The following CAB39L variants were observed in gnomAD, a reference collection of about 807,000 sequenced individuals.
CAB39L encodes calcium-binding protein 39-like.
In CAB39L, 23 loss-of-function variants were observed where a neutral mutation model predicts 39.1. The ratio of observed to expected loss-of-function variants is 0.59; its 90% CI spans 0.42 to 0.83. The LOEUF (loss-of-function observed/expected upper bound fraction) is 0.83. CAB39L is among the 40% of genes least tolerant of loss of function. The probability of loss-of-function intolerance (pLI) is 0.00; values close to 1 mark genes in which losing one functional copy is unlikely to be tolerated. For missense variants in CAB39L, 366 were observed against 391.9 expected, an observed-to-expected ratio of 0.93 and a Z score of 0.56; for synonymous variants, 126 against 137.2, an observed-to-expected ratio of 0.92 and a Z score of 0.57.
At chr13:49,411,374 C>T (rs1956986338) in intron 3 of CAB39L, among the ~76,000 whole-genome samples, 1 of 147,232 alleles carries the variant, frequency 6.8e-6, no homozygotes, top group South Asian at 2.2e-4. Context: ...AACGTCACTG[C>T]ACTCCAGCCT....
intron 6 of CAB39L, among the ~76,000 whole-genome samples, chr13:49,353,081 T>G (rs969453048): frequency 6.6e-6 from 1 of 152,232 alleles, no homozygotes; most frequent in African/African-American, 2.4e-5. Context: ...TTATGCAGAA[T>G]GATATTCACA....
At chr13:49,370,468 G>A (rs1308935665) in intron 5 of CAB39L, among the ~76,000 whole-genome samples, 3 of 152,152 alleles carry the variant, frequency 2.0e-5, no homozygotes, top group South Asian at 2.1e-4. Context: ...AAACACTGGG[G>A]TTCTGTCTCA....
At chr13:49,350,702 T>C in intron 7 of CAB39L, 42 bp downstream of exon 7, 1 of 1,437,256 alleles carries the variant, frequency 7.0e-7, no homozygotes, top group East Asian at 2.4e-5. Context: ...AGGGGCCAAG[T>C]GACTATAAAT....
chr13:49,320,391 G>A (rs2138351347), intron 10 of CAB39L, among the ~76,000 whole-genome samples: 1 of 152,304 alleles, frequency 6.6e-6, no homozygotes, highest in South Asian at 2.1e-4. Context: ...CCTGAGAGAT[G>A]TGATCTGTGG....
intron 4 of CAB39L, among the ~76,000 whole-genome samples, chr13:49,378,005 GC>G (rs1207074913): frequency 2.6e-5 from 2 of 76,902 alleles, no homozygotes; most frequent in Non-Finnish European, 5.1e-5. Flanking sequence ...CTGCCCCGCC[GC>G]CCCATCTGGG....
At chr13:49,395,251 T>C (rs898096547) in intron 3 of CAB39L, among the ~76,000 whole-genome samples, 3 of 150,670 alleles carry the variant, frequency 2.0e-5, no homozygotes, top group Admixed American at 2.0e-4. Flanking sequence ...TTTTTTTTTT[T>C]CTGAGACGGA....
At chr13:49,388,316 C>A (rs9535222) in intron 3 of CAB39L, among the ~76,000 whole-genome samples, 82,912 of 151,972 alleles carry the variant, frequency 0.55, 24,005 homozygotes, top group African/African-American at 0.72. Context: ...ATCATTCGAA[C>A]GATTTTTCTA....
At chr13:49,340,376 A>G (rs893304198) in intron 8 of CAB39L, among the ~76,000 whole-genome samples, 2 of 152,220 alleles carry the variant, frequency 1.3e-5, no homozygotes, top group Non-Finnish European at 2.9e-5. Context: ...CACAGCTCAT[A>G]GAGCACTGAA....
intron 3 of CAB39L, among the ~76,000 whole-genome samples, chr13:49,411,229 T>C (rs1177620105): frequency 1.3e-5 from 2 of 151,800 alleles, no homozygotes; most frequent in Non-Finnish European, 2.9e-5. Context: ...GGCAACATAG[T>C]GAGACCTCGT....
rs567884236 is a variant in CAB39L at position 49,381,120 on chromosome 13, G to C, written c.111+1680C>G. 1.4e-4 allele frequency among the ~76,000 whole-genome samples: 22 copies of C among 152,230 alleles called. 1 individual carries two copies. In the South Asian group the frequency reaches 4.6e-3, roughly 32 times the overall value. Reference sequence around the variant, plus strand: ...TTTTTGTATTTTTAGTAGAGGCGGGGTTTCACCATGTTGGCCAGGCTGATC... The same window carrying C: ...TTTTTGTATTTTTAGTAGAGGCGGGCTTTCACCATGTTGGCCAGGCTGATC... On this transcript the variant is annotated intron_variant, in intron 4 of 10. Coordinates refer to ENST00000409308, the MANE Select transcript of CAB39L (RefSeq NM_001079670.3).
chr13:49,395,113 T>C (rs182358219), intron 3 of CAB39L, among the ~76,000 whole-genome samples: 116 of 152,320 alleles, frequency 7.6e-4, no homozygotes, highest in African/African-American at 2.7e-3. Flanking sequence ...GCTTGTATAA[T>C]AGATCATGCA....
chr13:49,355,911 CCT>C (rs768315900), intron 6 of CAB39L, among the ~76,000 whole-genome samples: 5 of 152,094 alleles, frequency 3.3e-5, no homozygotes, highest in Non-Finnish European at 5.9e-5. Flanking sequence ...ATTTATTCTG[CCT>C]CTCTGGTATG....
intron 3 of CAB39L, among the ~76,000 whole-genome samples, chr13:49,396,517 T>C (rs1425796892): frequency 6.6e-6 from 1 of 152,168 alleles, no homozygotes; most frequent in Non-Finnish European, 1.5e-5. Flanking sequence ...GAGACCAGCC[T>C]AGCCAACATG....
intron 9 of CAB39L, among the ~76,000 whole-genome samples, chr13:49,333,082 G>A (rs1954755769): frequency 2.0e-5 from 3 of 152,016 alleles, no homozygotes; most frequent in African/African-American, 7.2e-5. Context: ...CCACCACCTT[G>A]CCTGTGATGT....
chr13:49,443,895 G>A, intron 1 of CAB39L, 91 bp downstream of exon 1: 2 of 456,454 alleles, frequency 4.4e-6, no homozygotes, highest in East Asian at 6.9e-5. Context: ...GTTCTCTCCG[G>A]ACCCCTCCAC....
In CAB39L at chr13:49,408,925, C is replaced by T. The variant is rs1198100446; in HGVS notation, c.-32+24393G>A. Among the ~76,000 whole-genome samples, 4 of 152,048 alleles carry T rather than the reference C, an allele frequency of 2.6e-5. No homozygotes were observed. In the South Asian group the frequency reaches 8.3e-4, roughly 32 times the overall value. On this transcript the variant is annotated intron_variant, in intron 3 of 10. Transcript: ENST00000409308. ...TATCGTGTGACCAAAAAAACCCAGA[C>T]CTTCAAGAAAAAGAAGCATTTAAAA...
intron 10 of CAB39L, among the ~76,000 whole-genome samples, chr13:49,317,995 T>A (rs925621291): frequency 2.0e-5 from 3 of 152,002 alleles, no homozygotes; most frequent in African/African-American, 7.2e-5. Flanking sequence ...AAATGGCCAA[T>A]AAGCACATTT....
At chr13:49,443,459 G>A (rs992813353) in intron 1 of CAB39L, among the ~76,000 whole-genome samples, 1 of 152,232 alleles carries the variant, frequency 6.6e-6, no homozygotes, top group Admixed American at 6.5e-5. Flanking sequence ...CCCCCGCGAA[G>A]AGCAAACTGT....
At chr13:49,360,777 C>T (rs10467382) in intron 5 of CAB39L, among the ~76,000 whole-genome samples, 36,491 of 151,826 alleles carry the variant, frequency 0.24, 4,583 homozygotes, top group Middle Eastern at 0.3. Flanking sequence ...ATCTGATGGT[C>T]TTATATGGGA....
Sources: allele counts gnomAD v4.1 joint callset (sites outside exome capture counted in the v4.1 genomes callset), GRCh38; gene constraint gnomAD v4.1.1; transcripts MANE v1.5; gene names NCBI Gene and HGNC (gene_info 2026-07-23, HGNC 2026-07-21).